The following PTPRN2 variants were observed in gnomAD, a reference collection of about 807,000 sequenced individuals.
PTPRN2 encodes protein tyrosine phosphatase receptor type N2, also known as receptor-type tyrosine-protein phosphatase N2.
A neutral mutation model predicts 118.8 loss-of-function variants in PTPRN2; 74 were observed. That is an observed-to-expected ratio of 0.62 (90% CI 0.52 to 0.76). The LOEUF is 0.76. Ranked by LOEUF, PTPRN2 falls within the 30% of genes least tolerant of loss-of-function variation. The probability of loss-of-function intolerance (pLI) is 0.00; values close to 1 mark genes in which losing one functional copy is unlikely to be tolerated. For synonymous variants in PTPRN2, 641 were observed against 608.0 expected (o/e 1.05, Z -0.80); for missense variants, 1,481 against 1,394.4 (o/e 1.06, Z -0.99).
At chr7:157,747,621 T>C (rs13232016) in intron 12 of PTPRN2, among the ~76,000 whole-genome samples, 61 of 55,718 alleles carry the variant, frequency 1.1e-3, no homozygotes, top group Admixed American at 2.4e-3. Flanking sequence ...GGCCTGCGTC[T>C]CTGAGCTGTG....
rs1389058175 is a variant in PTPRN2, at chr7:157,590,766, TC to T, written c.2496+4471del. On this transcript the variant is annotated intron_variant, in intron 17 of 22. Coordinates refer to ENST00000389418, the MANE Select transcript of PTPRN2 (RefSeq NM_002847.5). This position sits in a 1 kb window ranked among gnomAD's most constrained non-coding sequence, Gnocchi z 4.0. ...CTTCCCCTGAACCCGTCTTCCAGGC[TC>T]CCCCCTTCTGGACCCATGGGCCCCT... is the stretch of plus-strand genomic sequence containing the variant. Among the ~76,000 whole-genome samples the T allele has an allele frequency of 6.6e-6, 1 of 151,718 alleles. No individual in the cohort carries two copies. The highest frequency in any genetic ancestry group is 2.1e-4 in the South Asian group (1 of 4,786).
At chr7:157,569,807 T>C (rs917624075) in intron 20 of PTPRN2, among the ~76,000 whole-genome samples, 2 of 152,238 alleles carry the variant, frequency 1.3e-5, no homozygotes, top group Non-Finnish European at 2.9e-5. Context: ...TTCACACCCA[T>C]GACTGGCTTT....
chr7:158,466,020 C>A (rs1819357207), intron 2 of PTPRN2, among the ~76,000 whole-genome samples: 1 of 152,204 alleles, frequency 6.6e-6, no homozygotes, highest in Non-Finnish European at 1.5e-5. Context: ...ATAAAATGGA[C>A]ATCCTTAAAG....
intron 2 of PTPRN2, among the ~76,000 whole-genome samples, chr7:158,460,244 G>A (rs536094386): frequency 8.8e-5 from 13 of 147,136 alleles, no homozygotes; most frequent in African/African-American, 3.3e-4. Context: ...TACAGTGCCT[G>A]TGTGCCGTCA....
At chr7:157,656,018 G>A (rs1442013030) in intron 14 of PTPRN2, among the ~76,000 whole-genome samples, 1 of 151,426 alleles carries the variant, frequency 6.6e-6, no homozygotes, top group East Asian at 1.9e-4. Context: ...CGAGTCAGAG[G>A]CCCAAAACGG....
At chr7:158,460,159 C>A (rs867571434) in intron 2 of PTPRN2, among the ~76,000 whole-genome samples, 76 of 56,820 alleles carry the variant, frequency 1.3e-3, no homozygotes, top group African/African-American at 4.9e-3. Context: ...ACATGCTCCT[C>A]CTAGAGGGGC....
chr7:157,879,329 G>A (rs899088054), intron 12 of PTPRN2, among the ~76,000 whole-genome samples: 2 of 152,060 alleles, frequency 1.3e-5, no homozygotes, highest in Non-Finnish European at 2.9e-5. Flanking sequence ...AGAACAGCAG[G>A]AACACACCCC....
intron 6 of PTPRN2, among the ~76,000 whole-genome samples, chr7:158,166,183 G>C: frequency 6.6e-6 from 1 of 152,052 alleles, no homozygotes; most frequent in Admixed American, 6.6e-5. Flanking sequence ...CATAAAATCT[G>C]GGGAAGGGAT....
Position 158,228,850 on chromosome 7 carries a change from G to A in PTPRN2, c.278-23577C>T, listed in dbSNP as rs565300623. Among the ~76,000 whole-genome samples the A allele has an allele frequency of 4.3e-4, 65 of 152,218 alleles. 1 individual carries two copies. In the South Asian group the frequency reaches 0.012, roughly 29 times the overall value. ...CTGTTCCTGCTTCAACCCATGGGAA[G>A]CGCTGCAAATGTGTGAAGGGAAACA... On this transcript the variant is annotated intron_variant, in intron 3 of 22. Transcript: ENST00000389418.
intron 10 of PTPRN2, among the ~76,000 whole-genome samples, chr7:158,085,320 AT>A (rs1813243101): frequency 9.8e-6 from 1 of 101,706 alleles, no homozygotes; most frequent in African/African-American, 4.4e-5. Context: ...CACGACGCCC[AT>A]TCACACATGC....
At chr7:158,132,199 TACAC>T (rs375785196) in intron 9 of PTPRN2, among the ~76,000 whole-genome samples, 2,844 of 146,882 alleles carry the variant, frequency 0.019, 71 homozygotes, top group African/African-American at 0.061. Flanking sequence ...CACGCACAGA[TACAC>T]ACAACGAAAT....
intron 5 of PTPRN2, among the ~76,000 whole-genome samples, chr7:158,177,445 G>A (rs763790210): frequency 1.2e-4 from 19 of 152,084 alleles, no homozygotes; most frequent in Non-Finnish European, 2.2e-4. Context: ...GCACTACTGA[G>A]ATATAATTGA....
At chr7:158,378,298 TC>T (rs1232874385) in intron 2 of PTPRN2, among the ~76,000 whole-genome samples, 1 of 152,142 alleles carries the variant, frequency 6.6e-6, no homozygotes, top group African/African-American at 2.4e-5. Context: ...GCATGAGTTT[TC>T]CTAAAGGGGC....
chr7:158,061,228 G>A (rs912907667), intron 11 of PTPRN2, among the ~76,000 whole-genome samples: 3 of 152,236 alleles, frequency 2.0e-5, no homozygotes, highest in Admixed American at 1.3e-4. Context: ...AAGCTGCTCC[G>A]CTCAGAGAGT....
chr7:158,501,699 C>T (rs1822374566), intron 1 of PTPRN2, among the ~76,000 whole-genome samples: 1 of 152,198 alleles, frequency 6.6e-6, no homozygotes. Context: ...TCACAGCGGC[C>T]TTTTCTGTGT....
At chr7:158,389,737 C>T (rs1482532099) in intron 2 of PTPRN2, among the ~76,000 whole-genome samples, 8 of 152,256 alleles carry the variant, frequency 5.3e-5, no homozygotes, top group South Asian at 4.1e-4. Flanking sequence ...TAAATCATCA[C>T]GCGTCGCATT....
intron 13 of PTPRN2, among the ~76,000 whole-genome samples, chr7:157,675,755 G>C (rs1276810474): frequency 1.3e-5 from 2 of 152,160 alleles, no homozygotes; most frequent in Non-Finnish European, 1.5e-5. Flanking sequence ...AGCTGACGTG[G>C]CACCCGCACC....
intron 12 of PTPRN2, among the ~76,000 whole-genome samples, chr7:157,765,853 TCATC>T (rs142646247): frequency 2.6e-4 from 34 of 128,978 alleles, no homozygotes; most frequent in African/African-American, 3.9e-4. Flanking sequence ...ACTCATCCAC[TCATC>T]CATCCATCCA....
chr7:158,587,726 C>A lies in PTPRN2; in HGVS notation c.-57G>T. 8.9e-7 allele frequency: 1 copy of A among 1,128,582 alleles called. No individual in the cohort carries two copies. 69.9% of individuals were successfully genotyped at this position (1,128,582 alleles called of 1,614,324 possible). On this transcript the variant is annotated 5_prime_UTR_variant, in exon 1 of 23. Transcript: ENST00000389418. ...TGGCCGCGCGGGAGGCGGCGGGAGG[C>A]GGCCGAGTCCGGGCCCAGGGAGGCG...
Sources: allele counts gnomAD v4.1 joint callset (sites outside exome capture counted in the v4.1 genomes callset), GRCh38; gene constraint gnomAD v4.1.1; non-coding constraint Gnocchi (gnomAD v3.1); transcripts MANE v1.5; gene names NCBI Gene and HGNC (gene_info 2026-07-23, HGNC 2026-07-21).